The following LRRIQ1 variants were observed in gnomAD, a reference collection of about 807,000 sequenced individuals.
LRRIQ1 encodes the protein leucine-rich repeat- and IQ domain-containing protein 1.
A neutral mutation model predicts 211.9 loss-of-function variants in LRRIQ1; 210 were observed. That is an observed-to-expected ratio of 0.99 (90% CI 0.89 to 1.11). The LOEUF is 1.11. LRRIQ1 is among the 50% of genes most tolerant of loss of function. The pLI is 0.00. For synonymous variants in LRRIQ1, 699 were observed against 650.1 expected, an observed-to-expected ratio of 1.08 and a Z score of -1.14; for missense variants, 2,136 against 1,939.5, an observed-to-expected ratio of 1.10 and a Z score of -1.90.
intron 13 of LRRIQ1, among the ~76,000 whole-genome samples, chr12:85,101,271 T>C (rs1405635653): frequency 6.6e-6 from 1 of 151,836 alleles, no homozygotes; most frequent in Non-Finnish European, 1.5e-5. Context: ...TGATACTTAG[T>C]ACATATTGTT....
chr12:85,195,886 G>C (rs1592953065), intron 24 of LRRIQ1, among the ~76,000 whole-genome samples: 3 of 151,848 alleles, frequency 2.0e-5, no homozygotes, highest in African/African-American at 7.3e-5. Flanking sequence ...AAGTCAAATT[G>C]TCCCTGTTTG....
At chr12:85,200,189 G>T (rs964050581) in intron 24 of LRRIQ1, among the ~76,000 whole-genome samples, 1 of 152,068 alleles carries the variant, frequency 6.6e-6, no homozygotes, top group Non-Finnish European at 1.5e-5. Context: ...TCACCTCCCT[G>T]TTTAGCTGTA....
intron 24 of LRRIQ1, among the ~76,000 whole-genome samples, chr12:85,216,857 A>G (rs1413475294): frequency 6.6e-6 from 1 of 151,950 alleles, no homozygotes; most frequent in African/African-American, 2.4e-5. Context: ...CTTTCTAAAA[A>G]TAGTACAATA....
rs1023112103 is a variant in LRRIQ1 at position 85,202,192 on chromosome 12, A to AT, written c.4823-27317dup. Among the ~76,000 whole-genome samples the AT allele has an allele frequency of 5.3e-5, 8 of 151,870 alleles. No homozygotes were observed. In the East Asian group the frequency reaches 1.2e-3, roughly 22 times the overall value. On this transcript the variant is annotated intron_variant, in intron 24 of 26. Coordinates refer to ENST00000393217, the MANE Select transcript of LRRIQ1 (RefSeq NM_001079910.2). ...TTGTTGTTGTTTCAATTTGCTGAGG[A>AT]TTTTTTTTACATCTGTTTGTGTGGT...
intron 26 of LRRIQ1, among the ~76,000 whole-genome samples, chr12:85,234,406 A>G (rs1198353947): frequency 2.0e-5 from 3 of 152,216 alleles, no homozygotes; most frequent in African/African-American, 7.2e-5. Context: ...ATACATTACA[A>G]TGATACATTT....
chr12:85,084,252 A>G (rs1386733346), intron 11 of LRRIQ1, among the ~76,000 whole-genome samples: 1 of 152,202 alleles, frequency 6.6e-6, no homozygotes, highest in Non-Finnish European at 1.5e-5. Context: ...TAGAAATTCA[A>G]TAATCTTTGA....
At chr12:85,210,353 AAT>A (rs1893781045) in intron 24 of LRRIQ1, among the ~76,000 whole-genome samples, 1 of 152,206 alleles carries the variant, frequency 6.6e-6, no homozygotes, top group Non-Finnish European at 1.5e-5. Context: ...CGGAAAAACT[AAT>A]ATAATTTTTA....
chr12:85,239,068 T>C (rs970122588), intron 26 of LRRIQ1, among the ~76,000 whole-genome samples: 2 of 152,140 alleles, frequency 1.3e-5, no homozygotes, highest in African/African-American at 4.8e-5. Context: ...GCAAGCCCTC[T>C]ACACTCATAA....
At chr12:85,118,350 C>G (rs958324670) in intron 15 of LRRIQ1, among the ~76,000 whole-genome samples, 4 of 152,016 alleles carry the variant, frequency 2.6e-5, no homozygotes, top group Non-Finnish European at 5.9e-5. Context: ...TGTAGATCAT[C>G]TGATAATTAC....
chr12:85,066,657 A>C, intron 9 of LRRIQ1, 91 bp from the exon 10 acceptor site: 29 of 901,528 alleles, frequency 3.2e-5, no homozygotes, highest in Non-Finnish European at 3.9e-5. Context: ...TGGAGATCCT[A>C]TCTCATCTTT....
exon 2 of LRRIQ1, chr12:85,263,117 T>G: frequency 1.0e-6 from 1 of 957,844 alleles, no homozygotes; most frequent in Non-Finnish European, 1.2e-6. Context: ...AGTCTGGATA[T>G]CTAGTCATGT....
At chr12:85,182,767 A>G (rs2136893298) in intron 24 of LRRIQ1, among the ~76,000 whole-genome samples, 1 of 152,272 alleles carries the variant, frequency 6.6e-6, no homozygotes, top group African/African-American at 2.4e-5. Flanking sequence ...TAAAATAAAC[A>G]TAAGGGGTTG....
intron 24 of LRRIQ1, among the ~76,000 whole-genome samples, chr12:85,171,246 G>T (rs1303490153): frequency 6.6e-6 from 1 of 152,052 alleles, no homozygotes; most frequent in Non-Finnish European, 1.5e-5. Context: ...GATGGATTCA[G>T]CTACAGATTA....
At chr12:85,184,615 T>G (rs1892143745) in intron 24 of LRRIQ1, among the ~76,000 whole-genome samples, 2 of 152,038 alleles carry the variant, frequency 1.3e-5, no homozygotes, top group South Asian at 4.1e-4. Context: ...TTTGAGCTGT[T>G]AAAATGCCTT....
the LRRIQ1 span, among the ~76,000 whole-genome samples, chr12:85,271,252 C>A: frequency 1.3e-5 from 2 of 152,100 alleles, no homozygotes; most frequent in Non-Finnish European, 2.9e-5. Flanking sequence ...CCCTGTAACA[C>A]ACGTTGTTCA....
At chr12:85,192,193 A>G (rs1192736674) in intron 24 of LRRIQ1, among the ~76,000 whole-genome samples, 1 of 150,466 alleles carries the variant, frequency 6.6e-6, no homozygotes, top group South Asian at 2.1e-4. Context: ...GATGTCTGCT[A>G]TTCTCTTCTT....
chr12:85,037,245 C>G (rs374823668), intron 1 of LRRIQ1, among the ~76,000 whole-genome samples: 15 of 152,072 alleles, frequency 9.9e-5, no homozygotes, highest in East Asian at 7.7e-4. Flanking sequence ...TGTAATTGGA[C>G]AGGGGTGATC....
chr12:85,165,760 C>T (rs1284822140), intron 24 of LRRIQ1, among the ~76,000 whole-genome samples: 2 of 152,090 alleles, frequency 1.3e-5, no homozygotes, highest in Non-Finnish European at 2.9e-5. Flanking sequence ...TGAGCCACCG[C>T]GCCCGGCTGA....
intron 24 of LRRIQ1, among the ~76,000 whole-genome samples, chr12:85,220,389 T>C (rs561010758): frequency 8.5e-5 from 13 of 152,072 alleles, no homozygotes; most frequent in Non-Finnish European, 1.8e-4. Flanking sequence ...TTATGTTATA[T>C]TGAAAATTTA....
Sources: allele counts gnomAD v4.1 joint callset (sites outside exome capture counted in the v4.1 genomes callset), GRCh38; gene constraint gnomAD v4.1.1; transcripts MANE v1.5; gene names NCBI Gene and HGNC (gene_info 2026-07-23, HGNC 2026-07-21).